The following KATNAL2 variants were observed in gnomAD, a reference collection of about 807,000 sequenced individuals.
KATNAL2 encodes the protein katanin p60 ATPase-containing subunit A-like 2.
In KATNAL2, 52 loss-of-function variants were observed where a neutral mutation model predicts 76.3. That is an observed-to-expected ratio of 0.68 (90% CI 0.55 to 0.86). The LOEUF is 0.86. KATNAL2 is among the 40% of genes least tolerant of loss of function. The probability of loss-of-function intolerance (pLI) is 0.00; values close to 1 mark genes in which losing one functional copy is unlikely to be tolerated. For missense variants in KATNAL2, 660 were observed against 668.9 expected (o/e 0.99, Z 0.15); for synonymous variants, 243 against 244.2 (o/e 1.00, Z 0.05).
At chr18:47,034,224 T>C in intron 3 of KATNAL2, 1 of 1,613,944 alleles carries the variant, frequency 6.2e-7, no homozygotes, top group Non-Finnish European at 8.5e-7. Context: ...GCTTCCCCTC[T>C]TGAGTCTCTC....
At chr18:47,035,017 G>A in intron 3 of KATNAL2, 1 of 1,611,610 alleles carries the variant, frequency 6.2e-7, no homozygotes. Context: ...GCCAGGCCGG[G>A]TGTTTCGGTC....
intron 15 of KATNAL2, among the ~76,000 whole-genome samples, chr18:47,086,140 A>G (rs2062763177): frequency 6.6e-6 from 1 of 152,160 alleles, no homozygotes. Context: ...TATGAAAAAT[A>G]AGATAAAGCA....
At chr18:47,095,695 T>C (rs2063203579) in intron 15 of KATNAL2, among the ~76,000 whole-genome samples, 1 of 152,240 alleles carries the variant, frequency 6.6e-6, no homozygotes, top group Non-Finnish European at 1.5e-5. Context: ...TAACATATTT[T>C]TGTGGCTTAT....
intron 11 of KATNAL2, among the ~76,000 whole-genome samples, chr18:47,068,446 T>G (rs2061885234): frequency 1.3e-5 from 2 of 152,188 alleles, no homozygotes; most frequent in Non-Finnish European, 2.9e-5. Flanking sequence ...TTTACTCACC[T>G]TTTCCTCTAA....
intron 3 of KATNAL2, among the ~76,000 whole-genome samples, chr18:47,045,045 G>A (rs1023744432): frequency 7.3e-5 from 11 of 151,704 alleles, no homozygotes; most frequent in Non-Finnish European, 1.3e-4. Flanking sequence ...GCTGCCATGA[G>A]CCCTGACCAT....
In KATNAL2 at chr18:47,058,268, G is replaced by A. The variant is rs1280577943; in HGVS notation, c.366G>A (p.Lys122=). Residue 122 remains lysine, a synonymous_variant, in exon 7 of 18, where the codon AAG becomes AAA. Coordinates refer to ENST00000683218, the MANE Select transcript of KATNAL2 (RefSeq NM_001387690.1). ...ACGACAGTTGTCAAAATCTTCCCAA[G>A]ATCAATCAGCAGAGGCCCCGGTCCA... The part of the protein sequence containing the change: ...MMNDSCQNLP[K]INQQRPRSKT... The A allele has an allele frequency of 6.2e-7, 1 of 1,613,880 alleles. No homozygotes were observed. Among genetic ancestry groups the A allele is most frequent in the African/African-American group, 1.3e-5 (1 of 74,912 alleles).
rs1027396887 is a variant in KATNAL2 at position 47,046,355 on chromosome 18, G to A, written c.52-102G>A. ...AATTGCTTTCCAGCCTTTAAGTCAT[G>A]CTGCTTGGCTTTGACAGGTTACATT... On this transcript the variant is annotated intron_variant, in intron 3 of 17. Coordinates refer to ENST00000683218, the MANE Select transcript of KATNAL2 (RefSeq NM_001387690.1). The A allele has an allele frequency of 7.9e-6, 6 of 755,356 alleles. No homozygotes were observed. The Admixed American group carries it at 1.1e-4, about 14-fold the overall frequency. 46.8% of individuals were successfully genotyped at this position (755,356 alleles called of 1,614,324 possible). A position where few individuals can be genotyped will look rare whatever the true frequency, so the allele number is the denominator to read the frequency against.
chr18:47,084,111 G>A (rs960165296), intron 15 of KATNAL2, among the ~76,000 whole-genome samples: 2 of 152,214 alleles, frequency 1.3e-5, no homozygotes, highest in Admixed American at 6.5e-5. Flanking sequence ...AGAGCTGTCA[G>A]TCAGCAGTGG....
At chr18:46,924,597 T>C (rs1397141431) in intron 1 of KATNAL2, among the ~76,000 whole-genome samples, 1 of 152,218 alleles carries the variant, frequency 6.6e-6, no homozygotes, top group African/African-American at 2.4e-5. Flanking sequence ...AAGTAGTTTT[T>C]TTCTAATTCT....
chr18:47,052,816 G>A, intron 4 of KATNAL2, 64 bp from the exon 5 acceptor site: 3 of 1,277,628 alleles, frequency 2.3e-6, no homozygotes, highest in East Asian at 2.5e-5. Flanking sequence ...GACTTGTAAT[G>A]CCTGTTAGCC....
chr18:46,924,089 A>G (rs1349321689), intron 1 of KATNAL2, among the ~76,000 whole-genome samples: 3 of 152,084 alleles, frequency 2.0e-5, no homozygotes, highest in Non-Finnish European at 4.4e-5. Flanking sequence ...ATTAGATTCC[A>G]TTTGTCAATT....
intron 1 of KATNAL2, among the ~76,000 whole-genome samples, chr18:46,929,160 A>G (rs767089609): frequency 6.6e-6 from 1 of 151,980 alleles, no homozygotes; most frequent in African/African-American, 2.4e-5. Flanking sequence ...AAGTGGAATC[A>G]TACAGCGTAT....
At chr18:47,033,296 T>A in intron 3 of KATNAL2, 1 of 1,613,612 alleles carries the variant, frequency 6.2e-7, no homozygotes, top group Non-Finnish European at 8.5e-7. Context: ...TTCTCTTGCC[T>A]CCTTGAAGTA....
chr18:47,058,848 C>T (rs1455034407), intron 7 of KATNAL2, among the ~76,000 whole-genome samples: 1 of 152,118 alleles, frequency 6.6e-6, no homozygotes, highest in Admixed American at 6.5e-5. Flanking sequence ...TCAGCCCTCA[C>T]CCCAGACCTT....
At chr18:47,040,878 T>G (rs569153567) in intron 3 of KATNAL2, among the ~76,000 whole-genome samples, 7 of 152,330 alleles carry the variant, frequency 4.6e-5, no homozygotes, top group Admixed American at 4.6e-4. Context: ...TAAATGCAGC[T>G]TGGGGGAAGA....
rs1017218906 is a variant in KATNAL2, at chr18:47,100,261, A to C, written c.1382A>C (p.Glu461Ala). ...GTTTTTTGGCTGTTTCAGGAGACTG[A>C]GGGCTACTCAGGCTCAGATATTAAG... ...LEYSVLSQETEGYSGSDIKLV... is the reference protein window; with the variant it reads ...LEYSVLSQETAGYSGSDIKLV... Residue 461 changes from glutamate (E) to alanine (A), a missense_variant, in exon 17 of 18, where the codon GAG becomes GCG. Transcript: ENST00000683218. The C allele has an allele frequency of 3.0e-5, 48 of 1,613,740 alleles. No homozygotes were observed. Among genetic ancestry groups the C allele is most frequent in the South Asian group, 6.6e-5 (6 of 91,070 alleles).
chr18:47,065,750 G>A (rs1194626940), intron 10 of KATNAL2, among the ~76,000 whole-genome samples: 3 of 152,104 alleles, frequency 2.0e-5, no homozygotes, highest in African/African-American at 7.2e-5. Flanking sequence ...TTGGGAGGCC[G>A]AGGCAGAAGG....
rs116649197 is a variant in KATNAL2, at chr18:47,098,732, A to G, written c.1212-511A>G. 1,488 of 156,198 alleles carry G rather than the reference A, an allele frequency of 9.5e-3. 13 individuals are homozygous for G. The highest frequency in any genetic ancestry group is 0.06 in the Middle Eastern group (18 of 300). 9.7% of individuals were successfully genotyped at this position (156,198 alleles called of 1,614,324 possible). The stretch of plus-strand genomic sequence containing the variant: ...AGGGCCACTGGTGCTAAGTTCACCA[A>G]TGTAATGAAGTGAGGGGTCATTCAC... On this transcript the variant is annotated intron_variant, in intron 15 of 17. Coordinates refer to ENST00000683218, the MANE Select transcript of KATNAL2 (RefSeq NM_001387690.1).
At chr18:47,033,381 A>G (rs2060580486) in intron 3 of KATNAL2, 2 of 1,614,086 alleles carry the variant, frequency 1.2e-6, no homozygotes, top group Non-Finnish European at 1.7e-6. Flanking sequence ...TTCCACGTGC[A>G]GATCGGATAT....
Sources: allele counts gnomAD v4.1 joint callset (sites outside exome capture counted in the v4.1 genomes callset), GRCh38; gene constraint gnomAD v4.1.1; transcripts MANE v1.5; gene names NCBI Gene and HGNC (gene_info 2026-07-23, HGNC 2026-07-21).